Variants in SPART observed in about 807,000 individuals in gnomAD.
SPART encodes the protein spartin.
SPART carries 35 observed loss-of-function variants against 58.7 expected under a neutral mutation model. The ratio of observed to expected loss-of-function variants is 0.60; its 90% CI spans 0.46 to 0.79. The LOEUF is 0.79. SPART is among the 30% of genes least tolerant of loss of function. The pLI, the probability that SPART is intolerant of heterozygous loss-of-function variation, is 0.00. For missense variants in SPART, 730 were observed against 786.1 expected (o/e 0.93, Z 0.85); for synonymous variants, 284 against 280.7 (o/e 1.01, Z -0.12).
At chr13:36,327,182 C>A (rs1374484358) in intron 4 of SPART, among the ~76,000 whole-genome samples, 1 of 152,120 alleles carries the variant, frequency 6.6e-6, no homozygotes, top group Non-Finnish European at 1.5e-5. Context: ...TCTGCTATTC[C>A]ATTTAAGAGG....
chr13:36,308,982 C>T lies in SPART; in HGVS notation c.1733+3163G>A, dbSNP rs150500189. Among the ~76,000 whole-genome samples, 558 of 152,246 alleles carry T rather than the reference C, an allele frequency of 3.7e-3. 3 individuals are homozygous for T. The highest frequency in any genetic ancestry group is 0.011 in the African/African-American group (471 of 41,552). On this transcript the variant is annotated intron_variant, in intron 8 of 8. Coordinates refer to ENST00000438666, the MANE Select transcript of SPART (RefSeq NM_015087.5). ...TACTCTGGCCAGGTGTGGTGGCTCA[C>T]GCCTGTAATCCCAGAACTTTGGGAG... is the stretch of plus-strand genomic sequence containing the variant.
intron 8 of SPART, 43 bp downstream of exon 8, chr13:36,312,102 C>G: frequency 6.3e-7 from 1 of 1,575,072 alleles, no homozygotes. Flanking sequence ...ACAACAACAA[C>G]AACAAAACAG....
rs1208538781 is a variant in SPART, at chr13:36,312,358, G to A, written c.1603C>T (p.Leu535=). The change falls in exon 7 of 9, where the codon CTG becomes TTG. Residue 535 remains leucine, a synonymous_variant. Transcript: ENST00000438666. ...LKKDKDGKSP[L]DGAMVVAASS... ...GCTGCTACAACCATAGCACCATCCA[G>A]AGGAGATTTCCCATCTTTGTCTTTT... is the stretch of plus-strand genomic sequence containing the variant. 10 of 1,613,932 alleles carry A rather than the reference G, an allele frequency of 6.2e-6. No individual in the cohort carries two copies. The highest frequency in any genetic ancestry group is 2.2e-5 in the East Asian group (1 of 44,862).
At chr13:36,358,004 T>C (rs748299694) in intron 1 of SPART, among the ~76,000 whole-genome samples, 32 of 152,094 alleles carry the variant, frequency 2.1e-4, no homozygotes, top group Non-Finnish European at 7.3e-5. Flanking sequence ...AGCTGGTCCA[T>C]CCGAGCCTGA....
At chr13:36,315,467 T>C (rs1881595249) in intron 5 of SPART, among the ~76,000 whole-genome samples, 1 of 152,240 alleles carries the variant, frequency 6.6e-6, no homozygotes, top group African/African-American at 2.4e-5. Flanking sequence ...CTCCAGCCCA[T>C]GAATAAGCAT....
chr13:36,369,460 A>T (rs1402723727), intron 1 of SPART: 1 of 152,208 alleles, frequency 6.6e-6, no homozygotes, highest in East Asian at 1.9e-4. Flanking sequence ...TTAAATTTTA[A>T]TCTGGAACCA....
chr13:36,365,884 A>G (rs188488924), intron 1 of SPART: 3 of 208,322 alleles, frequency 1.4e-5, no homozygotes, highest in African/African-American at 7.1e-5. Flanking sequence ...CTTCTCATAC[A>G]GAGCCAGTCA....
intron 1 of SPART, among the ~76,000 whole-genome samples, chr13:36,358,693 G>T (rs924796208): frequency 5.9e-5 from 9 of 152,162 alleles, no homozygotes; most frequent in African/African-American, 1.9e-4. Context: ...TAGTCACAAG[G>T]TTTGATTATA....
intron 5 of SPART, among the ~76,000 whole-genome samples, chr13:36,319,004 C>G (rs777176754): frequency 3.1e-4 from 47 of 152,128 alleles, no homozygotes; most frequent in Non-Finnish European, 5.1e-4. Flanking sequence ...GTAAGCCCGT[C>G]CCCTTCTTAA....
At chr13:36,342,967 G>T (rs1194155574) in intron 1 of SPART, among the ~76,000 whole-genome samples, 1 of 151,930 alleles carries the variant, frequency 6.6e-6, no homozygotes, top group Non-Finnish European at 1.5e-5. Flanking sequence ...TCTTACTATG[G>T]TACACTGCCC....
rs368153772 is a variant in SPART at position 36,329,370 on chromosome 13, C to G, written c.1156G>C (p.Gly386Arg). The change falls in exon 4 of 9, where the codon GGA becomes CGA. Residue 386 changes from glycine (G) to arginine (R), a missense_variant. Coordinates refer to ENST00000438666, the MANE Select transcript of SPART (RefSeq NM_015087.5). ...ATTACTCTTTTATTTACCCTTTTTC[C>G]ACGTTTTCCTTTATGACGTACATCC... The part of the protein sequence containing the change: ...NKDVRHKGKR[G>R]KRAKDTSSEE... 6.6e-5 allele frequency: 107 copies of G among 1,613,898 alleles called. No individual in the cohort carries two copies. The highest frequency in any genetic ancestry group is 8.6e-5 in the Non-Finnish European group (101 of 1,179,986).
At chr13:36,367,154 A>G (rs1227544635) in intron 1 of SPART, among the ~76,000 whole-genome samples, 2 of 152,166 alleles carry the variant, frequency 1.3e-5, no homozygotes, top group African/African-American at 2.4e-5. Flanking sequence ...GCATCTCCGG[A>G]AAAGTTTCTT....
chr13:36,340,492 G>T lies in SPART; in HGVS notation c.-2-4660C>A, dbSNP rs988283647. ...CTTACACACAAAAAAAGAGAGAGAAGTAAGAGTGCTAAGGAACTTCTTAAA... is the reference window on the plus strand; with the variant it reads ...CTTACACACAAAAAAAGAGAGAGAATTAAGAGTGCTAAGGAACTTCTTAAA... On this transcript the variant is annotated intron_variant, in intron 1 of 8. Transcript: ENST00000438666. Among the ~76,000 whole-genome samples, 5 of 152,026 alleles carry T rather than the reference G, an allele frequency of 3.3e-5. 1 individual carries two copies. The highest frequency in any genetic ancestry group is 2.1e-4 in the South Asian group (1 of 4,806).
At chr13:36,368,254 T>A (rs1451997989) in intron 1 of SPART, 2 of 440,130 alleles carry the variant, frequency 4.5e-6, no homozygotes, top group Non-Finnish European at 9.4e-6. Context: ...AACACAGGTG[T>A]GTCCTCTGCC....
At chr13:36,312,940 T>A (rs9547233) in intron 6 of SPART, among the ~76,000 whole-genome samples, 3 of 151,640 alleles carry the variant, frequency 2.0e-5, no homozygotes, top group South Asian at 2.1e-4. Context: ...ATTTTTCTAC[T>A]GATAAATATC....
intron 1 of SPART, among the ~76,000 whole-genome samples, chr13:36,362,156 G>T (rs1186460844): frequency 6.6e-6 from 1 of 152,104 alleles, no homozygotes. Context: ...TTCGAGACCA[G>T]CCTGGGCAAC....
At position 36,313,139 on chromosome 13, in the gene SPART, T is replaced by C. The variant is rs114256132; in HGVS notation, c.1484-662A>G. Among the ~76,000 whole-genome samples, 504 of 152,256 alleles carry C rather than the reference T, an allele frequency of 3.3e-3. 3 individuals carry two copies. Among genetic ancestry groups the C allele is most frequent in the African/African-American group, 0.011 (475 of 41,546 alleles). ...TTTAGAAGTACATTGCTTGGGAAGG[T>C]TGGCACCAGAATCACTAAGTCAGTT... On this transcript the variant is annotated intron_variant, in intron 6 of 8. Transcript: ENST00000438666.
At chr13:36,368,709 T>A (rs1432974226) in intron 1 of SPART, among the ~76,000 whole-genome samples, 2 of 152,154 alleles carry the variant, frequency 1.3e-5, no homozygotes, top group African/African-American at 4.8e-5. Context: ...TATAACAATT[T>A]AAAAAATAAA....
intron 2 of SPART, among the ~76,000 whole-genome samples, chr13:36,331,837 T>TCTTA (rs1373744846): frequency 6.6e-6 from 1 of 152,190 alleles, no homozygotes; most frequent in Admixed American, 6.5e-5. Context: ...AATTATACAA[T>TCTTA]CTTAAAGCTG....
Sources: allele counts gnomAD v4.1 joint callset (sites outside exome capture counted in the v4.1 genomes callset), GRCh38; gene constraint gnomAD v4.1.1; transcripts MANE v1.5; gene names NCBI Gene and HGNC (gene_info 2026-07-23, HGNC 2026-07-21).